RBMS3: variants seen among roughly 807,000 people sequenced by gnomAD.
The protein encoded by RBMS3 is RNA-binding motif, single-stranded-interacting protein 3.
In RBMS3, 27 loss-of-function variants were observed where a neutral mutation model predicts 66.8. That is an observed-to-expected ratio of 0.40 (90% CI 0.30 to 0.56). The LOEUF (loss-of-function observed/expected upper bound fraction) is 0.56, where lower values mean the gene tolerates loss of function less well. Ranked by LOEUF, RBMS3 falls within the 20% of genes least tolerant of loss-of-function variation. The pLI, the probability that RBMS3 is intolerant of heterozygous loss-of-function variation, is 0.40. For missense variants in RBMS3, 513 were observed against 549.5 expected, an observed-to-expected ratio of 0.93 and a Z score of 0.66; for synonymous variants, 188 against 183.0, an observed-to-expected ratio of 1.03 and a Z score of -0.22.
rs142454990 is a variant in RBMS3 at position 29,990,376 on chromosome 3, C to T, written c.1180-706C>T. Among the ~76,000 whole-genome samples, 511 of 143,172 alleles carry T rather than the reference C, an allele frequency of 3.6e-3. 2 individuals are homozygous for T. The highest frequency in any genetic ancestry group is 0.011 in the African/African-American group (462 of 40,248). 93.9% of individuals were successfully genotyped at this position (143,172 alleles called of 152,430 possible). ...AGGCCTACTAACAACCAAATAAAAT[C>T]ACCTATGCCTCTCTGGATTCCAAAA... On this transcript the variant is annotated intron_variant, in intron 13 of 14. Transcript: ENST00000383767.
At chr3:29,514,837 G>A (rs376444859) in intron 3 of RBMS3, among the ~76,000 whole-genome samples, 39 of 151,048 alleles carry the variant, frequency 2.6e-4, no homozygotes, top group Middle Eastern at 7.0e-3. Context: ...ATAATATGAG[G>A]ATAATAGCTA....
chr3:29,537,836 AAAAG>A (rs542999055), intron 3 of RBMS3, among the ~76,000 whole-genome samples: 5 of 151,004 alleles, frequency 3.3e-5, no homozygotes, highest in African/African-American at 7.4e-5. Context: ...AAAAAAAAAA[AAAAG>A]AAAGAAAGAA....
intron 12 of RBMS3, among the ~76,000 whole-genome samples, chr3:29,960,631 G>A (rs1439838363): frequency 6.6e-6 from 1 of 152,154 alleles, no homozygotes; most frequent in African/African-American, 2.4e-5. Flanking sequence ...ACTTCTGCTT[G>A]GACATCCAGA....
intron 6 of RBMS3, among the ~76,000 whole-genome samples, chr3:29,845,142 A>G (rs1193880013): frequency 1.3e-5 from 2 of 152,212 alleles, no homozygotes; most frequent in Non-Finnish European, 2.9e-5. Context: ...GATATTGGTA[A>G]GCACAGTCCT....
At chr3:29,659,779 C>A (rs913451717) in intron 4 of RBMS3, among the ~76,000 whole-genome samples, 1 of 152,016 alleles carries the variant, frequency 6.6e-6, no homozygotes, top group Non-Finnish European at 1.5e-5. Flanking sequence ...ATGGTAATTC[C>A]ATTTTTAATA....
intron 2 of RBMS3, among the ~76,000 whole-genome samples, chr3:29,470,157 A>G (rs980031491): frequency 1.3e-5 from 2 of 151,612 alleles, no homozygotes; most frequent in Non-Finnish European, 3.0e-5. Context: ...AAATTTAAAG[A>G]TATCCATGAC....
At chr3:29,742,661 C>T (rs766603821) in intron 5 of RBMS3, among the ~76,000 whole-genome samples, 43 of 152,146 alleles carry the variant, frequency 2.8e-4, no homozygotes, top group Non-Finnish European at 5.6e-4. Flanking sequence ...AAATATATCA[C>T]GATTACAATG....
intron 6 of RBMS3, among the ~76,000 whole-genome samples, chr3:29,822,487 T>G (rs2058098960): frequency 6.6e-6 from 1 of 152,188 alleles, no homozygotes; most frequent in African/African-American, 2.4e-5. Flanking sequence ...AAATGGATAG[T>G]CACAGTAATG....
At chr3:29,679,768 GTATA>G (rs34934611) in intron 4 of RBMS3, among the ~76,000 whole-genome samples, 32 of 145,396 alleles carry the variant, frequency 2.2e-4, no homozygotes, top group Admixed American at 1.8e-3. Flanking sequence ...CTACTTGACT[GTATA>G]TATATATATA....
intron 1 of RBMS3, among the ~76,000 whole-genome samples, chr3:29,299,286 A>G (rs1199552763): frequency 6.6e-6 from 1 of 151,946 alleles, no homozygotes; most frequent in African/African-American, 2.4e-5. Flanking sequence ...AGATGAAACA[A>G]TGCATCAGAG....
intron 1 of RBMS3, among the ~76,000 whole-genome samples, chr3:29,392,033 T>G (rs145391442): frequency 6.2e-4 from 95 of 152,210 alleles, no homozygotes; most frequent in Middle Eastern, 3.4e-3. Flanking sequence ...GTGGATCACT[T>G]GAGGTCAGGA....
chr3:29,780,005 C>CCT (rs2056572464), intron 6 of RBMS3, among the ~76,000 whole-genome samples: 1 of 151,320 alleles, frequency 6.6e-6, no homozygotes, highest in South Asian at 2.1e-4. Context: ...GATTGATAAA[C>CCT]CCTGCATGGA....
chr3:29,638,588 A>G (rs1377158663), intron 4 of RBMS3, among the ~76,000 whole-genome samples: 1 of 151,830 alleles, frequency 6.6e-6, no homozygotes, highest in Non-Finnish European at 1.5e-5. Flanking sequence ...CATGGTCACT[A>G]TTTGCAGTAC....
chr3:29,927,668 G>A (rs901307721), intron 10 of RBMS3, among the ~76,000 whole-genome samples: 10 of 152,186 alleles, frequency 6.6e-5, no homozygotes, highest in African/African-American at 1.7e-4. Flanking sequence ...GCAAGGGTAA[G>A]AGGTAAGACG....
chr3:29,304,584 G>A (rs532900471), intron 1 of RBMS3, among the ~76,000 whole-genome samples: 2 of 151,894 alleles, frequency 1.3e-5, no homozygotes, highest in Admixed American at 6.6e-5. Context: ...TAAATTACTC[G>A]TCCATGTATG....
chr3:29,422,204 A>G (rs576569888), intron 1 of RBMS3, among the ~76,000 whole-genome samples: 5 of 152,314 alleles, frequency 3.3e-5, no homozygotes, highest in Non-Finnish European at 5.9e-5. Flanking sequence ...ACACTATACA[A>G]TGACAATAAT....
intron 14 of RBMS3, among the ~76,000 whole-genome samples, chr3:29,992,593 C>G (rs531371590): frequency 6.6e-6 from 1 of 151,446 alleles, no homozygotes; most frequent in Admixed American, 6.6e-5. Context: ...CAGAGCAAGA[C>G]TCCGTCTCAA....
chr3:29,901,177 T>A (rs1194452837), intron 10 of RBMS3, among the ~76,000 whole-genome samples: 1 of 151,780 alleles, frequency 6.6e-6, no homozygotes, highest in African/African-American at 2.4e-5. Context: ...AAATCCAGGC[T>A]ACACTTTTCT....
At chr3:29,558,898 G>A (rs1458218940) in intron 3 of RBMS3, among the ~76,000 whole-genome samples, 9 of 152,072 alleles carry the variant, frequency 5.9e-5, no homozygotes, top group Admixed American at 5.9e-4. Context: ...AAAAATTTGC[G>A]AGGGAATAGA....
Sources: allele counts gnomAD v4.1 joint callset (sites outside exome capture counted in the v4.1 genomes callset), GRCh38; gene constraint gnomAD v4.1.1; transcripts MANE v1.5; gene names NCBI Gene and HGNC (gene_info 2026-07-23, HGNC 2026-07-21).